Variants in ZNF385D observed in about 807,000 individuals in gnomAD.
ZNF385D encodes zinc finger protein 385D.
ZNF385D carries 15 observed loss-of-function variants against 35.8 expected under a neutral mutation model. The observed-to-expected ratio is 0.42, with a 90% confidence interval of 0.28 to 0.64. The LOEUF (loss-of-function observed/expected upper bound fraction) is 0.64. Among genes scored for constraint, ZNF385D ranks in the 30% least tolerant of loss-of-function variants. The probability of loss-of-function intolerance (pLI) is 0.23; values close to 1 mark genes in which losing one functional copy is unlikely to be tolerated. For synonymous variants in ZNF385D, 212 were observed against 186.8 expected (o/e 1.13, Z -1.10); for missense variants, 474 against 494.6 (o/e 0.96, Z 0.39).
chr3:21,728,717 G>A (rs1211397758), intron 1 of ZNF385D, among the ~76,000 whole-genome samples: 1 of 152,124 alleles, frequency 6.6e-6, no homozygotes, highest in African/African-American at 2.4e-5. Flanking sequence ...GCTAGTGAGG[G>A]GCAGAGGAGA....
intron 2 of ZNF385D, among the ~76,000 whole-genome samples, chr3:22,243,373 T>C (rs1052208651): frequency 3.3e-5 from 5 of 150,924 alleles, no homozygotes; most frequent in African/African-American, 9.8e-5. Flanking sequence ...ATTTTTGAAA[T>C]AGTTAGATTT....
intron 3 of ZNF385D, among the ~76,000 whole-genome samples, chr3:22,060,249 A>G (rs1699623103): frequency 6.6e-6 from 1 of 152,142 alleles, no homozygotes; most frequent in Non-Finnish European, 1.5e-5. Context: ...ATGTGAGCCA[A>G]TTCCCATAAT....
chr3:22,094,917 A>G (rs1230506806), intron 3 of ZNF385D, among the ~76,000 whole-genome samples: 2 of 151,522 alleles, frequency 1.3e-5, no homozygotes, highest in African/African-American at 2.4e-5. Context: ...TTCTTTCTCT[A>G]TCTCTTTTTT....
intron 3 of ZNF385D, among the ~76,000 whole-genome samples, chr3:21,955,445 G>T (rs1702240634): frequency 1.3e-5 from 2 of 152,010 alleles, no homozygotes; most frequent in African/African-American, 4.8e-5. Context: ...CCCCAATTCT[G>T]GCCAATAAAT....
chr3:21,602,780 G>T lies in ZNF385D; in HGVS notation c.166-38096C>A, dbSNP rs866955513. ...GATCTCCTAACCTCATGATCCACCCGCCTCGGCCTCCCAAAGTGCTGGGAT... is the reference window on the plus strand; with the variant it reads ...GATCTCCTAACCTCATGATCCACCCTCCTCGGCCTCCCAAAGTGCTGGGAT... On this transcript the variant is annotated intron_variant, in intron 2 of 7. Transcript: ENST00000281523. Among the ~76,000 whole-genome samples the T allele has an allele frequency of 1.9e-4, 29 of 151,620 alleles. 1 individual carries two copies. The highest frequency in any genetic ancestry group is 3.4e-3 in the Middle Eastern group (1 of 294).
chr3:22,176,041 A>C (rs1694811830), intron 2 of ZNF385D, among the ~76,000 whole-genome samples: 1 of 148,416 alleles, frequency 6.7e-6, no homozygotes, highest in South Asian at 2.1e-4. Flanking sequence ...ACCATTATAA[A>C]AATAATTTTG....
chr3:22,349,117 C>G (rs1392520175), intron 2 of ZNF385D, among the ~76,000 whole-genome samples: 1 of 152,192 alleles, frequency 6.6e-6, no homozygotes, highest in Non-Finnish European at 1.5e-5. Context: ...TACTATACCT[C>G]TCTCAAGGGT....
chr3:22,275,915 T>C (rs907430955), intron 2 of ZNF385D, among the ~76,000 whole-genome samples: 1 of 151,962 alleles, frequency 6.6e-6, no homozygotes, highest in South Asian at 2.1e-4. Context: ...CGAAACCCCA[T>C]CTCTACTAAA....
chr3:21,749,172 G>C (rs147942378), intron 1 of ZNF385D, among the ~76,000 whole-genome samples: 1 of 152,064 alleles, frequency 6.6e-6, no homozygotes, highest in Non-Finnish European at 1.5e-5. Flanking sequence ...ATTTCAATTC[G>C]TACTATTAAA....
intron 3 of ZNF385D, among the ~76,000 whole-genome samples, chr3:21,819,581 CAT>C (rs2125729551): frequency 6.7e-6 from 1 of 148,362 alleles, no homozygotes; most frequent in African/African-American, 2.5e-5. Context: ...TATATGTACA[CAT>C]ATGTGCTACA....
chr3:21,708,880 C>G (rs2068000509), intron 1 of ZNF385D, among the ~76,000 whole-genome samples: 1 of 151,994 alleles, frequency 6.6e-6, no homozygotes, highest in South Asian at 2.1e-4. Context: ...CACACACACA[C>G]ACACACTAAC....
chr3:21,536,757 C>A (rs1033882352), intron 3 of ZNF385D, among the ~76,000 whole-genome samples: 1 of 151,836 alleles, frequency 6.6e-6, no homozygotes, highest in Non-Finnish European at 1.5e-5. Flanking sequence ...GGAGAAAAAC[C>A]ATCAGGTAAG....
intron 3 of ZNF385D, among the ~76,000 whole-genome samples, chr3:22,099,883 C>A (rs567782399): frequency 6.7e-6 from 1 of 149,762 alleles, no homozygotes; most frequent in Non-Finnish European, 1.5e-5. Flanking sequence ...AATATTAGGC[C>A]AAAGAACTGA....
intron 1 of ZNF385D, among the ~76,000 whole-genome samples, chr3:21,738,706 G>A (rs1001378576): frequency 1.3e-5 from 2 of 152,020 alleles, no homozygotes; most frequent in Non-Finnish European, 2.9e-5. Flanking sequence ...GAGACTTTTG[G>A]CCCCTTATGT....
chr3:22,300,764 CTAT>C (rs1702856637), intron 2 of ZNF385D, among the ~76,000 whole-genome samples: 1 of 151,804 alleles, frequency 6.6e-6, no homozygotes, highest in African/African-American at 2.4e-5. Flanking sequence ...GTTAGAATAG[CTAT>C]TATCAAAAAG....
intron 3 of ZNF385D, among the ~76,000 whole-genome samples, chr3:22,094,277 T>A (rs886327050): frequency 6.6e-6 from 1 of 150,968 alleles, no homozygotes; most frequent in Admixed American, 6.6e-5. Flanking sequence ...ATACATGTAT[T>A]TATCCTTGAA....
At chr3:21,496,112 C>T (rs1346828006) in intron 4 of ZNF385D, among the ~76,000 whole-genome samples, 2 of 151,812 alleles carry the variant, frequency 1.3e-5, no homozygotes, top group African/African-American at 4.8e-5. Context: ...TGAATTCTAC[C>T]AGATGTATAA....
intron 3 of ZNF385D, among the ~76,000 whole-genome samples, chr3:22,011,260 T>C (rs1340527756): frequency 6.6e-5 from 10 of 152,106 alleles, no homozygotes; most frequent in Admixed American, 6.5e-4. Flanking sequence ...TATGGATAGA[T>C]GGTTATTTTA....
chr3:22,078,476 T>A (rs1700579064), intron 3 of ZNF385D, among the ~76,000 whole-genome samples: 1 of 152,010 alleles, frequency 6.6e-6, no homozygotes, highest in Non-Finnish European at 1.5e-5. Context: ...GATGAGTGGA[T>A]AAGGATATGG....
Sources: allele counts gnomAD v4.1 joint callset (sites outside exome capture counted in the v4.1 genomes callset), GRCh38; gene constraint gnomAD v4.1.1; transcripts MANE v1.5; gene names NCBI Gene and HGNC (gene_info 2026-07-23, HGNC 2026-07-21).